The following DNAH11 variants were observed in gnomAD, a reference collection of about 807,000 sequenced individuals.
DNAH11 encodes axonemal beta dynein heavy chain 11.
In DNAH11, 442 loss-of-function variants were observed where a neutral mutation model predicts 526.0. That is an observed-to-expected ratio of 0.84 (90% CI 0.78 to 0.91). DNAH11 has a LOEUF of 0.91. Among genes scored for constraint, DNAH11 ranks in the 40% least tolerant of loss-of-function variants. The pLI is 0.00. For missense variants in DNAH11, 6,989 were observed against 5,448.7 expected (o/e 1.28, Z -8.90); for synonymous variants, 2,461 against 1,935.9 (o/e 1.27, Z -7.12).
At chr7:21,553,794 G>A (rs62441664) in intron 2 of DNAH11, among the ~76,000 whole-genome samples, 33,299 of 151,952 alleles carry the variant, frequency 0.22, 3,964 homozygotes, top group African/African-American at 0.32. Flanking sequence ...CTTCCACAGT[G>A]GAACCATGAG....
In DNAH11 at chr7:21,867,928, C is replaced by A. The variant is rs183205457; in HGVS notation, c.11760C>A (p.Phe3920Leu). 7.0e-6 allele frequency: 11 copies of A among 1,576,686 alleles called. No homozygotes were observed. The East Asian group carries it at 2.5e-4, about 36-fold the overall frequency. The part of the protein sequence containing the change: ...ERTRLDLVKA[F>L]EESSPATPIF... ...CCAGATTGGACTTAGTTAAAGCATT[C>A]GAAGAAAGCAGCCCAGCCACCCCCA... is the stretch of plus-strand genomic sequence containing the variant. Residue 3920 changes from phenylalanine to leucine, a missense_variant, in exon 72 of 82, where the codon TTC becomes TTA. Physicochemically the swap from Phe to Leu is conservative, Grantham distance 22. Transcript: ENST00000409508.
chr7:21,786,318 G>GTGTT (rs1217224052), intron 58 of DNAH11, among the ~76,000 whole-genome samples: 2 of 151,796 alleles, frequency 1.3e-5, no homozygotes, highest in Non-Finnish European at 2.9e-5. Flanking sequence ...GTGTGTGTGT[G>GTGTT]TGTGTGTGTG....
At chr7:21,613,493 C>T (rs944968667) in intron 20 of DNAH11, among the ~76,000 whole-genome samples, 1 of 151,124 alleles carries the variant, frequency 6.6e-6, no homozygotes, top group African/African-American at 2.4e-5. Flanking sequence ...AATTGCAGTT[C>T]TTGTATGTGA....
chr7:21,556,257 A>G (rs1165068806), intron 2 of DNAH11, among the ~76,000 whole-genome samples: 2 of 152,156 alleles, frequency 1.3e-5, no homozygotes, highest in East Asian at 1.9e-4. Flanking sequence ...TTCTAGGTGC[A>G]TGAGCTGTGC....
At chr7:21,798,423 T>C (rs1402058945) in intron 61 of DNAH11, among the ~76,000 whole-genome samples, 1 of 152,208 alleles carries the variant, frequency 6.6e-6, no homozygotes, top group African/African-American at 2.4e-5. Context: ...AACTCGAAGA[T>C]GGATACTCTT....
intron 36 of DNAH11, among the ~76,000 whole-genome samples, chr7:21,699,371 CA>C (rs1418989570): frequency 6.6e-6 from 1 of 152,144 alleles, no homozygotes; most frequent in Non-Finnish European, 1.5e-5. Context: ...ACATATATAT[CA>C]GCATCAATAT....
chr7:21,552,273 G>A (rs1026034402), intron 2 of DNAH11, among the ~76,000 whole-genome samples: 2 of 152,106 alleles, frequency 1.3e-5, no homozygotes, highest in African/African-American at 4.8e-5. Flanking sequence ...GCAAGGGGTC[G>A]GGTTTCTCTT....
At chr7:21,635,421 G>A (rs576537642) in intron 25 of DNAH11, among the ~76,000 whole-genome samples, 4 of 152,296 alleles carry the variant, frequency 2.6e-5, no homozygotes, top group East Asian at 3.9e-4. Context: ...CTCCCAAAGT[G>A]CTGGGATTAC....
At chr7:21,625,564 C>T (rs75378009) in intron 25 of DNAH11, among the ~76,000 whole-genome samples, 4,089 of 151,964 alleles carry the variant, frequency 0.027, 180 homozygotes, top group African/African-American at 0.093. Flanking sequence ...GTTTGTTCTT[C>T]TTTTTCTAGT....
At chr7:21,734,430 AT>A (rs778850971) in intron 45 of DNAH11, among the ~76,000 whole-genome samples, 27 of 152,236 alleles carry the variant, frequency 1.8e-4, no homozygotes, top group Non-Finnish European at 3.1e-4. Flanking sequence ...CAGCTCGAAT[AT>A]TTTTTAAAGA....
In DNAH11 at chr7:21,765,506, G is replaced by T; in HGVS notation, c.9019G>T (p.Ala3007Ser). 6.2e-7 allele frequency: 1 copy of T among 1,613,824 alleles called. No individual in the cohort carries two copies. Among genetic ancestry groups the T allele is most frequent in the East Asian group, 2.2e-5 (1 of 44,868 alleles). Residue 3007 changes from alanine (A) to serine (S), a missense_variant, in exon 55 of 82, where the codon GCT becomes TCT. By Grantham distance (99) the Ala-to-Ser change is moderately conservative. Transcript: ENST00000409508. The part of the protein sequence containing the change: ...RKFPAIVNCT[A>S]IDWFHAWPQE... ...GTTCCCAGCCATAGTTAACTGCACG[G>T]CTATTGACTGGTTTCATGCGTGGCC...
intron 66 of DNAH11, among the ~76,000 whole-genome samples, chr7:21,843,491 T>G (rs561152009): frequency 1.3e-5 from 2 of 150,722 alleles, no homozygotes; most frequent in East Asian, 1.9e-4. Flanking sequence ...TGTTTTTTTT[T>G]TTTTTTTGAG....
rs145047957 is a variant in DNAH11, at chr7:21,835,230, A to G, written c.10692-7314A>G. ...ATCCTTTTCAGACTATTCCAAAAAA[A>G]AAAAAAAAAAACAGAGGGAGTTCTT... On this transcript the variant is annotated intron_variant, in intron 65 of 81. Coordinates refer to ENST00000409508, the MANE Select transcript of DNAH11 (RefSeq NM_001277115.2). 1.9e-3 allele frequency among the ~76,000 whole-genome samples: 278 copies of G among 145,266 alleles called. 5 individuals are homozygous for G. In the East Asian group the frequency reaches 0.046, roughly 24 times the overall value.
chr7:21,856,336 C>A (rs868257923), intron 68 of DNAH11, among the ~76,000 whole-genome samples: 4 of 151,872 alleles, frequency 2.6e-5, no homozygotes, highest in Middle Eastern at 3.2e-3. Context: ...TGGTTATGGG[C>A]AATAATAAAG....
At chr7:21,663,260 A>C (rs1347303804) in intron 30 of DNAH11, among the ~76,000 whole-genome samples, 4 of 152,152 alleles carry the variant, frequency 2.6e-5, no homozygotes, top group Middle Eastern at 3.4e-3. Flanking sequence ...TAAGTTTGCT[A>C]TTGTGAATAG....
intron 4 of DNAH11, among the ~76,000 whole-genome samples, chr7:21,560,590 C>G (rs886564609): frequency 7.2e-5 from 11 of 152,292 alleles, no homozygotes; most frequent in Non-Finnish European, 1.2e-4. Context: ...CAGGAAGCGT[C>G]CAGCATGGGA....
intron 74 of DNAH11, among the ~76,000 whole-genome samples, chr7:21,876,933 TAGCA>T (rs1046223457): frequency 1.3e-5 from 2 of 152,248 alleles, no homozygotes; most frequent in African/African-American, 4.8e-5. Context: ...AGCTAAAAAT[TAGCA>T]AGAAGACATT....
At chr7:21,587,623 A>G (rs766103091) in intron 9 of DNAH11, among the ~76,000 whole-genome samples, 2 of 152,120 alleles carry the variant, frequency 1.3e-5, no homozygotes, top group Non-Finnish European at 2.9e-5. Flanking sequence ...TGACTGGCAC[A>G]TCTGGTATAA....
At chr7:21,694,098 T>C (rs369535574) in intron 35 of DNAH11, among the ~76,000 whole-genome samples, 1 of 152,170 alleles carries the variant, frequency 6.6e-6, no homozygotes, top group Non-Finnish European at 1.5e-5. Flanking sequence ...TCCCCCAACA[T>C]TGAACTACAA....
Sources: allele counts gnomAD v4.1 joint callset (sites outside exome capture counted in the v4.1 genomes callset), GRCh38; gene constraint gnomAD v4.1.1; transcripts MANE v1.5; gene names NCBI Gene and HGNC (gene_info 2026-07-23, HGNC 2026-07-21).